Variants in KCNQ2 observed in about 807,000 individuals in gnomAD.
KCNQ2 encodes the protein potassium voltage-gated channel subfamily Q member 2.
Under a neutral mutation model 84.8 loss-of-function variants are expected in KCNQ2, and 14 were observed. The observed-to-expected ratio is 0.17, with a 90% CI of 0.11 to 0.26. The LOEUF (loss-of-function observed/expected upper bound fraction) is 0.26. Ranked by LOEUF, KCNQ2 falls within the 10% of genes least tolerant of loss-of-function variation. The probability of loss-of-function intolerance (pLI) is 1.00; values close to 1 mark genes in which losing one functional copy is unlikely to be tolerated. For synonymous variants in KCNQ2, 599 were observed against 554.1 expected (o/e 1.08, Z -1.14); for missense variants, 788 against 1,254.0 (o/e 0.63, Z 5.61).
rs2145719067 is a variant in KCNQ2 at position 63,439,655 on chromosome 20, G to A, written c.870C>T (p.Gly290=). 3 of 1,613,848 alleles carry A rather than the reference G, an allele frequency of 1.9e-6. No individual in the cohort carries two copies. Among genetic ancestry groups the A allele is most frequent in the Non-Finnish European group, 2.5e-6 (3 of 1,180,014 alleles). ...YGDKYPQTWN[G]RLLAATFTLI... is the part of the protein sequence containing the mutation. ...GGGTGAAGGTTGCCGCAAGGAGCCT[G>A]CCGTTCCAGGTCTGGGGGTACTTGT... Residue 290 remains glycine (G), a synonymous_variant, in exon 6 of 17, where the codon GGC becomes GGT. Transcript: ENST00000359125.
intron 7 of KCNQ2, among the ~76,000 whole-genome samples, chr20:63,436,335 T>C (rs1377697006): frequency 1.3e-5 from 2 of 152,106 alleles, no homozygotes; most frequent in Non-Finnish European, 2.9e-5. Flanking sequence ...ATCGAGACCA[T>C]CCTGGCTAAC....
intron 1 of KCNQ2, among the ~76,000 whole-genome samples, chr20:63,464,647 G>A (rs552352729): frequency 1.3e-5 from 2 of 152,290 alleles, no homozygotes; most frequent in African/African-American, 4.8e-5. Context: ...CCCCGACGCT[G>A]GAACAGGGCC....
At chr20:63,442,825 C>T in intron 4 of KCNQ2, among the ~76,000 whole-genome samples, 1 of 88,746 alleles carries the variant, frequency 1.1e-5, no homozygotes. Flanking sequence ...CCATCACCAT[C>T]ACCATCACCA....
chr20:63,412,900 G>A (rs886845975), intron 15 of KCNQ2, among the ~76,000 whole-genome samples: 5 of 152,212 alleles, frequency 3.3e-5, no homozygotes, highest in Non-Finnish European at 7.4e-5. Flanking sequence ...CTGCACATGT[G>A]TGGGCACGTG....
chr20:63,439,560 C>T (rs1393506816), intron 6 of KCNQ2, 38 bp downstream of exon 6: 21 of 1,492,398 alleles, frequency 1.4e-5, no homozygotes, highest in Admixed American at 5.0e-5. Context: ...TACAAGACCT[C>T]GTCCCCCTCC....
At position 63,406,482 on chromosome 20, in the gene KCNQ2, C is replaced by T; in HGVS notation, c.*162G>A. On this transcript the variant is annotated 3_prime_UTR_variant, in exon 17 of 17. Coordinates refer to ENST00000359125, the MANE Select transcript of KCNQ2 (RefSeq NM_172107.4). ...AATAACTTTTGTAAAAGGTCACTGC[C>T]AGGAGCCCCCATCCTTCAGCCCACA... The T allele has an allele frequency of 1.2e-6, 1 of 834,394 alleles. No homozygotes were observed. The highest frequency in any genetic ancestry group is 2.7e-5 in the East Asian group (1 of 37,150). 51.7% of individuals were successfully genotyped at this position (834,394 alleles called of 1,614,324 possible).
At chr20:63,413,360 C>G (rs781428294) in intron 15 of KCNQ2, 90 bp downstream of exon 15, 1 of 1,535,410 alleles carries the variant, frequency 6.5e-7, no homozygotes, top group East Asian at 2.3e-5. Flanking sequence ...CCACACACCC[C>G]CTGCACTCCC....
In KCNQ2 at chr20:63,408,309, G is replaced by A. The variant is rs2080010642; in HGVS notation, c.1887+104C>T. 5 of 1,431,334 alleles carry A rather than the reference G, an allele frequency of 3.5e-6. No individual in the cohort carries two copies. The highest frequency in any genetic ancestry group is 4.8e-6 in the Non-Finnish European group (5 of 1,042,482). The allele number at this position is 1,431,334 out of a possible 1,614,324, so 88.7% of individuals were successfully genotyped here. A position where few individuals can be genotyped will look rare whatever the true frequency, so the allele number is the denominator to read the frequency against. ...AGGGCCATGTAAACCCTAGACTTGA[G>A]GAGCCCTCCGTGGCACCCAGCCCCT... On this transcript the variant is annotated intron_variant, in intron 16 of 16. Coordinates refer to ENST00000359125, the MANE Select transcript of KCNQ2 (RefSeq NM_172107.4). The surrounding 1 kb of genome is among the most constrained non-coding windows in gnomAD (Gnocchi z 5.0).
At chr20:63,432,817 G>T (rs1411971699) in intron 8 of KCNQ2, among the ~76,000 whole-genome samples, 1 of 136,756 alleles carries the variant, frequency 7.3e-6, no homozygotes, top group Admixed American at 7.0e-5. Flanking sequence ...CTCAGGGAAG[G>T]CTCCACCCTC....
chr20:63,414,914 T>C lies in KCNQ2; in HGVS notation c.1514A>G (p.Gln505Arg). Residue 505 changes from glutamine (Q) to arginine (R), a missense_variant, in exon 13 of 17, where the codon CAG becomes CGG. Physicochemically the swap from Gln to Arg is conservative, Grantham distance 43 (BLOSUM62 1). Coordinates refer to ENST00000359125, the MANE Select transcript of KCNQ2 (RefSeq NM_172107.4). This position sits in a 1 kb window ranked among gnomAD's most constrained non-coding sequence, Gnocchi z 6.6. ...GCGGCCACACCCACCTTCTGAGTTC[T>C]GCCGTGACGCGGCACCCTTGATGCG... ...AFRIKGAASR[Q>R]NSEEASLPGE... 1 of 1,612,594 alleles carries C rather than the reference T, an allele frequency of 6.2e-7. No homozygotes were observed. Among genetic ancestry groups the C allele is most frequent in the Non-Finnish European group, 8.5e-7 (1 of 1,179,924 alleles).
chr20:63,424,442 C>T (rs746056064), intron 10 of KCNQ2: 20 of 587,272 alleles, frequency 3.4e-5, no homozygotes, highest in South Asian at 6.3e-5. Context: ...CTCCATGGGG[C>T]GGGGGCCTCT....
At chr20:63,445,533 A>G (rs974052779) in intron 2 of KCNQ2, 169 bp from the exon 3 acceptor site, 2 of 669,102 alleles carry the variant, frequency 3.0e-6, no homozygotes, top group Non-Finnish European at 5.1e-6. Context: ...TCTGGGCAGG[A>G]AGGGTTGGGC....
chr20:63,430,804 C>A (rs1015545797), intron 9 of KCNQ2, among the ~76,000 whole-genome samples: 1 of 152,216 alleles, frequency 6.6e-6, no homozygotes, highest in African/African-American at 2.4e-5. Flanking sequence ...GAGGCAGACC[C>A]CTGAGGCTAG....
At chr20:63,443,394 T>TCAC (rs2081308653) in intron 4 of KCNQ2, among the ~76,000 whole-genome samples, 1 of 5,292 alleles carries the variant, frequency 1.9e-4, no homozygotes, top group African/African-American at 8.0e-4. Context: ...ACCACCACCA[T>TCAC]CACCATCACC....
At position 63,438,796 on chromosome 20, in the gene KCNQ2, G is replaced by C. The variant is rs1467995780; in HGVS notation, c.928-76C>G. ...TTCATCAGGGTCAGACCATGCTCTG[G>C]GGCCCCACACCCCCCCCAATTCATC... is the stretch of plus-strand genomic sequence containing the variant. On this transcript the variant is annotated intron_variant, in intron 6 of 16. Coordinates refer to ENST00000359125, the MANE Select transcript of KCNQ2 (RefSeq NM_172107.4). This position sits in a 1 kb window ranked among gnomAD's most constrained non-coding sequence, Gnocchi z 5.1. 9.1e-6 allele frequency: 12 copies of C among 1,325,688 alleles called. No homozygotes were observed. The highest frequency in any genetic ancestry group is 1.3e-5 in the Non-Finnish European group (12 of 937,066). 82.1% of individuals were successfully genotyped at this position (1,325,688 alleles called of 1,614,324 possible).
chr20:63,440,955 G>A (rs66486741), intron 5 of KCNQ2, among the ~76,000 whole-genome samples: 16,378 of 150,032 alleles, frequency 0.11, 1,169 homozygotes, highest in Non-Finnish European at 0.14. Flanking sequence ...CAAAGGAGGC[G>A]TGGTTTTTTG....
chr20:63,424,331 G>C, intron 10 of KCNQ2, 125 bp from the exon 11 acceptor site: 1 of 1,169,290 alleles, frequency 8.6e-7, no homozygotes, highest in Admixed American at 2.0e-5. Flanking sequence ...CTCAGAAAAG[G>C]CTGGGCAGGG....
At position 63,407,160 on chromosome 20, in the gene KCNQ2, G is replaced by C. The variant is rs554863606; in HGVS notation, c.2103C>G (p.Phe701Leu). ...RSSSSTGQKN[F>L]SAPPAAPPVQ... ...CAGGGGGCGCGGCCGGGGGCGCCGA[G>C]AAGTTCTTCTGGCCCGTGGAGCTGC... Residue 701 changes from phenylalanine to leucine, a missense_variant, in exon 17 of 17, where the codon TTC becomes TTG. By Grantham distance (22) the Phe-to-Leu change is conservative (BLOSUM62 0). Coordinates refer to ENST00000359125, the MANE Select transcript of KCNQ2 (RefSeq NM_172107.4). This position sits in a 1 kb window ranked among gnomAD's most constrained non-coding sequence, Gnocchi z 7.2. 3 of 1,598,584 alleles carry C rather than the reference G, an allele frequency of 1.9e-6. No homozygotes were observed. The highest frequency in any genetic ancestry group is 2.6e-6 in the Non-Finnish European group (3 of 1,175,642).
At chr20:63,416,992 G>A (rs1332743628) in intron 12 of KCNQ2, among the ~76,000 whole-genome samples, 2 of 152,222 alleles carry the variant, frequency 1.3e-5, no homozygotes. Context: ...GGGAAGCAGA[G>A]ACGGAGTGGC....
Sources: allele counts gnomAD v4.1 joint callset (sites outside exome capture counted in the v4.1 genomes callset), GRCh38; gene constraint gnomAD v4.1.1; non-coding constraint Gnocchi (gnomAD v3.1); transcripts MANE v1.5; gene names NCBI Gene and HGNC (gene_info 2026-07-23, HGNC 2026-07-21).